The following ERGIC1 variants were observed in gnomAD, a reference collection of about 807,000 sequenced individuals.
ERGIC1 encodes endoplasmic reticulum-Golgi intermediate compartment protein 1.
A neutral mutation model predicts 38.3 loss-of-function variants in ERGIC1; 19 were observed. The ratio of observed to expected loss-of-function variants is 0.50; its 90% CI spans 0.35 to 0.73. The LOEUF (loss-of-function observed/expected upper bound fraction) is 0.73, where lower values mean the gene tolerates loss of function less well. ERGIC1 is among the 30% of genes least tolerant of loss of function. ERGIC1 has a pLI of 0.01. For synonymous variants in ERGIC1, 124 were observed against 157.6 expected, an observed-to-expected ratio of 0.79 and a Z score of 1.60; for missense variants, 294 against 389.2, an observed-to-expected ratio of 0.76 and a Z score of 2.06.
chr5:172,914,332 A>C (rs1177231881), intron 4 of ERGIC1, among the ~76,000 whole-genome samples: 1 of 151,816 alleles, frequency 6.6e-6, no homozygotes, highest in South Asian at 2.1e-4. Context: ...GACCCTAAGC[A>C]TTTTCTACAT....
chr5:172,935,278 A>G lies in ERGIC1; in HGVS notation c.733A>G (p.Arg245Gly). 6.2e-7 allele frequency: 1 copy of G among 1,614,144 alleles called. No individual in the cohort carries two copies. The highest frequency in any genetic ancestry group is 8.5e-7 in the Non-Finnish European group (1 of 1,180,026). The change falls in exon 9 of 10, where the codon AGA (arginine) becomes GGA (glycine). Residue 245 changes from arginine to glycine, a missense_variant. By Grantham distance (125) the Arg-to-Gly change is moderately radical. Around this residue, in one of 3 missense-constraint regions of ERGIC1, gnomAD observed 109 missense variants for 112.7 expected, o/e 0.97. Transcript: ENST00000393784. ...LSPITVKYTE[R>G]RQPLYRFITT... ...CCCCATCACGGTCAAGTACACAGAG[A>G]GACGGCAGCCGCTGTACAGATTCAT...
In ERGIC1 at chr5:172,834,397, C is replaced by T. The variant is rs1164803721; in HGVS notation, c.-17C>T. 1 of 1,322,932 alleles carries T rather than the reference C, an allele frequency of 7.6e-7. No homozygotes were observed. Among genetic ancestry groups the T allele is most frequent in the South Asian group, 2.1e-5 (1 of 48,722 alleles). The allele number at this position is 1,322,932 out of a possible 1,614,324, so 81.9% of individuals were successfully genotyped here. A position where few individuals can be genotyped will look rare whatever the true frequency, so the allele number is the denominator to read the frequency against. On this transcript the variant is annotated 5_prime_UTR_variant, in exon 1 of 10. Transcript: ENST00000393784. This position sits in a 1 kb window ranked among gnomAD's most constrained non-coding sequence, Gnocchi z 4.1. ...GCCCGCCTGGCCTGCAGCGCTCCCA[C>T]CCCCGGCGGCGGCACGATGCCCTTT...
intron 1 of ERGIC1, chr5:172,867,514 T>C: frequency 2.3e-6 from 1 of 444,194 alleles, no homozygotes; most frequent in South Asian, 1.6e-5. Flanking sequence ...TCTGCCGTCA[T>C]TTGACACCAA....
At chr5:172,919,488 C>T (rs997469158) in intron 5 of ERGIC1, among the ~76,000 whole-genome samples, 5 of 152,222 alleles carry the variant, frequency 3.3e-5, no homozygotes, top group African/African-American at 1.2e-4. Context: ...CTGCAGTCTG[C>T]TCCCCTTAGA....
chr5:172,839,572 C>T (rs1012312998), intron 1 of ERGIC1, among the ~76,000 whole-genome samples: 2 of 151,852 alleles, frequency 1.3e-5, no homozygotes, highest in Non-Finnish European at 2.9e-5. Flanking sequence ...TCAAAACACA[C>T]ACACACATAC....
At chr5:172,847,511 AT>A (rs1313242709) in intron 1 of ERGIC1, among the ~76,000 whole-genome samples, 1 of 151,776 alleles carries the variant, frequency 6.6e-6, no homozygotes, top group African/African-American at 2.4e-5. Flanking sequence ...ATATATATAT[AT>A]TTTTTGTTGT....
chr5:172,884,263 T>G (rs1287861877), intron 1 of ERGIC1, among the ~76,000 whole-genome samples: 5 of 149,882 alleles, frequency 3.3e-5, no homozygotes, highest in South Asian at 4.2e-4. Context: ...TTTTTTTTTT[T>G]TTTTTTTAAA....
At chr5:172,843,691 G>A (rs892334643) in intron 1 of ERGIC1, among the ~76,000 whole-genome samples, 1 of 152,204 alleles carries the variant, frequency 6.6e-6, no homozygotes, top group Non-Finnish European at 1.5e-5. Flanking sequence ...CCCCTCTGGG[G>A]ACTGACCACA....
At chr5:172,920,737 A>C (rs1688573607) in intron 5 of ERGIC1, among the ~76,000 whole-genome samples, 1 of 152,118 alleles carries the variant, frequency 6.6e-6, no homozygotes. Flanking sequence ...TCACTCCCGG[A>C]GCACGCGGCC....
rs769797759 is a variant in ERGIC1, at chr5:172,951,851, C to G, written c.*1035C>G. On this transcript the variant is annotated 3_prime_UTR_variant, in exon 10 of 10. Coordinates refer to ENST00000393784, the MANE Select transcript of ERGIC1 (RefSeq NM_001031711.3). ...GGAAGCAAAGCAGGCCAGGCCTGTC[C>G]TGTCCGTGGACCTCTACCTTCTGGA... The G allele has an allele frequency of 3.9e-5, 6 of 152,338 alleles. No individual in the cohort carries two copies. Among genetic ancestry groups the G allele is most frequent in the Non-Finnish European group, 7.3e-5 (5 of 68,122 alleles). 9.4% of individuals were successfully genotyped at this position (152,338 alleles called of 1,614,324 possible). A position where few individuals can be genotyped will look rare whatever the true frequency, so the allele number is the denominator to read the frequency against.
At chr5:172,900,633 T>C (rs1312826177) in intron 3 of ERGIC1, among the ~76,000 whole-genome samples, 7 of 149,826 alleles carry the variant, frequency 4.7e-5, no homozygotes, top group Non-Finnish European at 1.0e-4. Context: ...TCACTTGAGC[T>C]CAAGAGATCC....
intron 5 of ERGIC1, among the ~76,000 whole-genome samples, chr5:172,918,702 G>A (rs1010059777): frequency 3.3e-5 from 5 of 152,334 alleles, no homozygotes; most frequent in Admixed American, 2.0e-4. Flanking sequence ...ACGTCCTTAC[G>A]AAGCAATGGG....
At chr5:172,867,447 T>C in intron 1 of ERGIC1, 1 of 398,688 alleles carries the variant, frequency 2.5e-6, no homozygotes, top group Non-Finnish European at 5.2e-6. Context: ...TTCCACTCCT[T>C]GGAGGCCGCA....
Position 172,909,741 on chromosome 5 carries a change from T to G in ERGIC1, c.230T>G (p.Leu77Ter). 6.2e-7 allele frequency: 1 copy of G among 1,614,210 alleles called. No homozygotes were observed. The highest frequency in any genetic ancestry group is 8.5e-7 in the Non-Finnish European group (1 of 1,180,036). Residue 77 changes from leucine (L) to a stop codon, truncating the protein, a stop_gained, in exon 4 of 10, where the codon TTA becomes TGA. Coordinates refer to ENST00000393784, the MANE Select transcript of ERGIC1 (RefSeq NM_001031711.3). LOFTEE classifies it high-confidence loss of function. ...GKIDVSLNIS[L>*]PNLHCELVGL... ...ATCGACGTCAGTCTGAACATCAGTT[T>G]ACCCAATCTGCACTGCGAGTGTGAG...
chr5:172,908,336 AGGGGGGAG>A (rs1763102946), intron 3 of ERGIC1, among the ~76,000 whole-genome samples: 1 of 360 alleles, frequency 2.8e-3, no homozygotes, highest in African/African-American at 0.013. Context: ...GGAGGGGGGG[AGGGGGGAG>A]GGGGGGGGTG....
chr5:172,843,125 G>A (rs1761198774), intron 1 of ERGIC1, among the ~76,000 whole-genome samples: 1 of 152,186 alleles, frequency 6.6e-6, no homozygotes, highest in Non-Finnish European at 1.5e-5. Context: ...CAGCCTGGGT[G>A]ACAGAGTGAA....
intron 3 of ERGIC1, chr5:172,905,579 G>A (rs779198852): frequency 2.1e-5 from 8 of 387,172 alleles, no homozygotes; most frequent in Non-Finnish European, 3.8e-5. Flanking sequence ...ACTTAGCCAC[G>A]CAGGAACAAT....
At chr5:172,863,037 A>G (rs1411458254) in intron 1 of ERGIC1, among the ~76,000 whole-genome samples, 1 of 152,220 alleles carries the variant, frequency 6.6e-6, no homozygotes, top group African/African-American at 2.4e-5. Flanking sequence ...GCTGGAGTGC[A>G]GTGGTGCAAT....
intron 2 of ERGIC1, among the ~76,000 whole-genome samples, chr5:172,892,133 A>G (rs1336187206): frequency 7.4e-6 from 1 of 135,334 alleles, no homozygotes; most frequent in Admixed American, 8.5e-5. Flanking sequence ...ACATGGTCTG[A>G]TAGACAGTTT....
Sources: gnomAD v4.1 joint callset for allele counts (sites outside exome capture counted in the v4.1 genomes callset) on GRCh38, gnomAD v4.1.1 for gene constraint, gnomAD v4.1.1 regional missense constraint, Gnocchi (gnomAD v3.1) non-coding constraint, MANE v1.5 for transcripts, NCBI Gene and HGNC (gene_info 2026-07-23, HGNC 2026-07-21) for gene names.